Variants in GPR19 observed in about 807,000 individuals in gnomAD.
GPR19 encodes the protein G protein-coupled receptor 19.
In GPR19, 14 loss-of-function variants were observed where a neutral mutation model predicts 28.5. The ratio of observed to expected loss-of-function variants is 0.49; its 90% CI spans 0.32 to 0.77. The LOEUF is 0.77. Among genes scored for constraint, GPR19 ranks in the 30% least tolerant of loss-of-function variants. The probability of loss-of-function intolerance (pLI) is 0.03; values close to 1 mark genes in which losing one functional copy is unlikely to be tolerated. For missense variants in GPR19, 409 were observed against 504.1 expected, an observed-to-expected ratio of 0.81 and a Z score of 1.81; for synonymous variants, 173 against 184.1, an observed-to-expected ratio of 0.94 and a Z score of 0.49.
the GPR19 span, among the ~76,000 whole-genome samples, chr12:12,713,913 G>A: frequency 6.6e-6 from 1 of 152,032 alleles, no homozygotes; most frequent in Non-Finnish European, 1.5e-5. Context: ...TTCCCTCTCC[G>A]CTTATTGTTT....
intron 2 of GPR19, chr12:12,688,961 CTG>C (rs1234376731): frequency 1.3e-5 from 2 of 152,268 alleles, no homozygotes; most frequent in African/African-American, 4.8e-5. Context: ...ATACCTGAGA[CTG>C]GGTAATTTAT....
rs1344477479 is a variant in GPR19, at chr12:12,692,694, G to GT, written c.-180+2764dup. On this transcript the variant is annotated intron_variant, in intron 2 of 3. Transcript: ENST00000651487. ...AAGCACAAAAGACCTAATTATAGTT[G>GT]TTTTTTTTGTTTTTTTTTTTCTCCA... Among the ~76,000 whole-genome samples, 84 of 145,536 alleles carry GT rather than the reference G, an allele frequency of 5.8e-4. 1 individual carries two copies. The Middle Eastern group carries it at 0.011, about 18-fold the overall frequency.
At chr12:12,701,081 C>T (rs573810446), upstream of GPR19, among the ~76,000 whole-genome samples, 1 of 152,190 alleles carries the variant, frequency 6.6e-6, no homozygotes, top group African/African-American at 2.4e-5. Flanking sequence ...AGGATTTTGT[C>T]TTTTTTATCA....
intron 3 of GPR19, among the ~76,000 whole-genome samples, chr12:12,663,129 G>T (rs1466147060): frequency 6.6e-6 from 1 of 152,096 alleles, no homozygotes; most frequent in African/African-American, 2.4e-5. Context: ...TCTAAAAGAC[G>T]ATACAGTTCA....
chr12:12,688,274 C>A (rs1243115848), intron 2 of GPR19, among the ~76,000 whole-genome samples: 2 of 151,770 alleles, frequency 1.3e-5, no homozygotes, highest in Admixed American at 6.6e-5. Flanking sequence ...ATGTAACCTA[C>A]TCAATGTTAC....
intron 3 of GPR19, among the ~76,000 whole-genome samples, chr12:12,675,899 T>A (rs1315949961): frequency 6.6e-6 from 1 of 152,194 alleles, no homozygotes; most frequent in African/African-American, 2.4e-5. Context: ...AGCAGAGAAC[T>A]CAGCCAAACC....
intron 2 of GPR19, chr12:12,688,926 G>A (rs533682036): frequency 6.6e-6 from 1 of 152,354 alleles, no homozygotes; most frequent in South Asian, 2.1e-4. Context: ...TATGTATTAG[G>A]TTGTTCCTGC....
At position 12,662,276 on chromosome 12, in the gene GPR19, T is replaced by C. The variant is rs1945688693; in HGVS notation, c.173A>G (p.Tyr58Cys). Residue 58 changes from tyrosine to cysteine, a missense_variant, in exon 4 of 4, where the codon TAT becomes TGT. Physicochemically the swap from Tyr to Cys is radical, Grantham distance 194. Coordinates refer to ENST00000651487, the MANE Select transcript of GPR19 (RefSeq NM_006143.3). The part of the protein sequence containing the change: ...SWMSNQTDLH[Y>C]VLKPGEVATA... ...GGCCACTTCCCCGGGTTTCAGCACA[T>C]AGTGAAGGTCTGTTTGGTTGCTCAT... 4.3e-6 allele frequency: 7 copies of C among 1,614,186 alleles called. No homozygotes were observed. Among genetic ancestry groups the C allele is most frequent in the Non-Finnish European group, 5.1e-6 (6 of 1,180,032 alleles).
intron 3 of GPR19, among the ~76,000 whole-genome samples, chr12:12,673,214 G>A (rs71457163): frequency 0.013 from 1,953 of 152,280 alleles, 18 homozygotes; most frequent in Middle Eastern, 0.024. Context: ...TCTGGCCAGT[G>A]ACAAGAGAAA....
the GPR19 span, among the ~76,000 whole-genome samples, chr12:12,703,797 G>A: frequency 1.1e-3 from 169 of 152,300 alleles, no homozygotes; most frequent in African/African-American, 3.9e-3. Context: ...TGACTGCCAT[G>A]TCTAGGATTC....
At chr12:12,696,019 C>G in intron 1 of GPR19, 46 bp downstream of exon 1, 1 of 152,236 alleles carries the variant, frequency 6.6e-6, no homozygotes, top group African/African-American at 2.4e-5. Flanking sequence ...CCTCCCCTCA[C>G]AGAGTTCACG....
intron 3 of GPR19, among the ~76,000 whole-genome samples, chr12:12,664,973 A>G (rs1945746484): frequency 6.7e-6 from 1 of 148,270 alleles, no homozygotes; most frequent in Admixed American, 6.7e-5. Context: ...ATCTAAAATT[A>G]GCATTGTCCT....
chr12:12,695,207 G>C (rs1946244785), intron 2 of GPR19, among the ~76,000 whole-genome samples: 1 of 152,180 alleles, frequency 6.6e-6, no homozygotes, highest in East Asian at 1.9e-4. Context: ...AATTATAGTA[G>C]CTAAGTGGCA....
chr12:12,700,048 A>C (rs1207250712), upstream of GPR19, among the ~76,000 whole-genome samples: 1 of 150,982 alleles, frequency 6.6e-6, no homozygotes, highest in Non-Finnish European at 1.5e-5. Flanking sequence ...CCTGGCCTCA[A>C]GCGATCCTCC....
At chr12:12,668,679 G>GAA (rs10666505) in intron 3 of GPR19, among the ~76,000 whole-genome samples, 72,352 of 146,900 alleles carry the variant, frequency 0.49, 17,937 homozygotes, top group East Asian at 0.54. Context: ...TGATTTGGTT[G>GAA]AAAAAAAAAA....
chr12:12,713,402 A>G, the GPR19 span, among the ~76,000 whole-genome samples: 1 of 152,082 alleles, frequency 6.6e-6, no homozygotes, highest in African/African-American at 2.4e-5. Flanking sequence ...GCTCCGCCCT[A>G]TCCACCATGG....
upstream of GPR19, among the ~76,000 whole-genome samples, chr12:12,696,556 T>A (rs1310435206): frequency 1.3e-5 from 2 of 152,134 alleles, no homozygotes; most frequent in Non-Finnish European, 2.9e-5. Context: ...CAAAATTTTT[T>A]AAAAAAGTAA....
At chr12:12,710,776 A>T in the GPR19 span, among the ~76,000 whole-genome samples, 1 of 152,182 alleles carries the variant, frequency 6.6e-6, no homozygotes. Flanking sequence ...CCTGGCCTCA[A>T]GTAATCCTCC....
At chr12:12,674,987 C>T (rs1945909397) in intron 3 of GPR19, among the ~76,000 whole-genome samples, 2 of 152,162 alleles carry the variant, frequency 1.3e-5, no homozygotes, top group Non-Finnish European at 2.9e-5. Flanking sequence ...GCAATGGAAG[C>T]AGCAGCAGAG....
Sources: gnomAD v4.1 joint callset for allele counts (sites outside exome capture counted in the v4.1 genomes callset) on GRCh38, gnomAD v4.1.1 for gene constraint, MANE v1.5 for transcripts, NCBI Gene and HGNC (gene_info 2026-07-23, HGNC 2026-07-21) for gene names.